ABCG2: variants seen among roughly 807,000 people sequenced by gnomAD.
ABCG2 encodes the protein ATP binding cassette subfamily G member 2 (JR blood group).
ABCG2 carries 80 observed loss-of-function variants against 73.5 expected under a neutral mutation model. The ratio of observed to expected loss-of-function variants is 1.09; its 90% CI spans 0.91 to 1.31. The LOEUF is 1.31. Among genes scored for constraint, ABCG2 ranks in the 50% most tolerant of loss-of-function variants. The pLI is 0.00. For missense variants in ABCG2, 796 were observed against 786.2 expected (o/e 1.01, Z -0.15); for synonymous variants, 269 against 282.4 (o/e 0.95, Z 0.48).
chr4:88,096,298 T>C (rs542032330), intron 13 of ABCG2, among the ~76,000 whole-genome samples: 1 of 152,360 alleles, frequency 6.6e-6, no homozygotes, highest in Admixed American at 6.5e-5. Flanking sequence ...AGCATACTGG[T>C]ATATGCATAA....
In ABCG2 at chr4:88,132,632, C is replaced by G; in HGVS notation, c.207G>C (p.Gly69=). Residue 69 remains glycine, a synonymous_variant, in exon 3 of 16, where the codon GGG becomes GGC. Transcript: ENST00000237612. The part of the protein sequence containing the change: ...VEKEILSNIN[G]IMKPGLNAIL... Reference sequence around the variant, plus strand: ...TGGCGTTGAGACCAGGTTTCATGATCCCACTGTAAACACAAAAACAGACTG... The same window carrying G: ...TGGCGTTGAGACCAGGTTTCATGATGCCACTGTAAACACAAAAACAGACTG... 2 of 1,614,116 alleles carry G rather than the reference C, an allele frequency of 1.2e-6. No homozygotes were observed. The highest frequency in any genetic ancestry group is 1.7e-6 in the Non-Finnish European group (2 of 1,179,994).
intron 9 of ABCG2, among the ~76,000 whole-genome samples, chr4:88,110,036 A>G (rs1723028010): frequency 6.6e-6 from 1 of 152,058 alleles, no homozygotes; most frequent in Non-Finnish European, 1.5e-5. Flanking sequence ...TGCAGCCTCA[A>G]ACTTCTGGTC....
At chr4:88,168,516 G>A (rs1354109287) in intron 1 of ABCG2, among the ~76,000 whole-genome samples, 7 of 149,912 alleles carry the variant, frequency 4.7e-5, no homozygotes, top group Non-Finnish European at 4.4e-5. Context: ...TGGTTATAAA[G>A]TTTATTTGGT....
Position 88,099,427 on chromosome 4 carries a change from G to C in ABCG2, c.1389C>G (p.Tyr463Ter), listed in dbSNP as rs759166018. 8.7e-6 allele frequency: 14 copies of C among 1,607,618 alleles called. No homozygotes were observed. Among genetic ancestry groups the C allele is most frequent in the Non-Finnish European group, 1.2e-5 (14 of 1,177,914 alleles). Reference sequence around the variant, plus strand: ...CAAGGAAATAAGATGACACTCTGTAGTATCCGCTGATGTATTCATGTCTAT... The same window carrying C: ...CAAGGAAATAAGATGACACTCTGTACTATCCGCTGATGTATTCATGTCTAT... ...KLFIHEYISGYYRVSSYFLGK... is the reference protein window; with the variant it reads ...KLFIHEYISG The change falls in exon 12 of 16, where the codon TAC (tyrosine) becomes TAG (stop). Residue 463 changes from tyrosine (Y) to a stop codon, truncating the protein, a stop_gained. Coordinates refer to ENST00000237612, the MANE Select transcript of ABCG2 (RefSeq NM_004827.3). LOFTEE classifies it high-confidence loss of function.
At chr4:88,214,776 T>C (rs1309720103) in intron 1 of ABCG2, among the ~76,000 whole-genome samples, 10 of 152,112 alleles carry the variant, frequency 6.6e-5, no homozygotes, top group Admixed American at 6.5e-4. Context: ...CACTCAAATC[T>C]GTTTTTGTTT....
intron 1 of ABCG2, among the ~76,000 whole-genome samples, chr4:88,222,312 A>G (rs1408768758): frequency 6.6e-6 from 1 of 152,220 alleles, no homozygotes; most frequent in Non-Finnish European, 1.5e-5. Context: ...GCCTTCATGG[A>G]GAACCTCTGC....
chr4:88,177,097 G>T (rs942165292), intron 1 of ABCG2, among the ~76,000 whole-genome samples: 1 of 152,212 alleles, frequency 6.6e-6, no homozygotes, highest in Non-Finnish European at 1.5e-5. Flanking sequence ...GAATGGCCGG[G>T]CGCAGTGGCT....
intron 1 of ABCG2, among the ~76,000 whole-genome samples, chr4:88,181,398 C>CAAAAAAAAAAAAAAAAAAAAAAAAA (rs57417105): frequency 2.8e-4 from 27 of 96,876 alleles, no homozygotes; most frequent in African/African-American, 4.9e-4. Context: ...GACTCCATCT[C>CAAAAAAAAAAAAAAAAAAAAAAAAA]AAAAAAAAAA....
chr4:88,226,483 G>A (rs1281758813), intron 1 of ABCG2, among the ~76,000 whole-genome samples: 24 of 152,146 alleles, frequency 1.6e-4, no homozygotes, highest in Non-Finnish European at 4.4e-5. Context: ...TATAATTATT[G>A]AGCAAGACTT....
intron 1 of ABCG2, among the ~76,000 whole-genome samples, chr4:88,153,060 G>T (rs538377544): frequency 5.9e-5 from 9 of 152,234 alleles, no homozygotes; most frequent in African/African-American, 9.6e-5. Context: ...AGAATTGGGA[G>T]GACCCAGGAC....
rs2110162570 is a variant in ABCG2 at position 88,090,652 on chromosome 4, A to T, written c.*1582T>A. The stretch of plus-strand genomic sequence containing the variant: ...CAAGATGACCAGTGTCAGGGCGTCT[A>T]TACACCATGATGCCCCAGCTCAGTT... On this transcript the variant is annotated 3_prime_UTR_variant, in exon 16 of 16. Transcript: ENST00000237612. The T allele has an allele frequency of 6.6e-6, 1 of 152,350 alleles. No homozygotes were observed. Among genetic ancestry groups the T allele is most frequent in the South Asian group, 2.1e-4 (1 of 4,830 alleles). 9.4% of individuals were successfully genotyped at this position (152,350 alleles called of 1,614,324 possible).
At chr4:88,180,864 C>T (rs1014550472) in intron 1 of ABCG2, among the ~76,000 whole-genome samples, 3 of 151,990 alleles carry the variant, frequency 2.0e-5, no homozygotes, top group Admixed American at 1.3e-4. Flanking sequence ...CAGAAAACCA[C>T]GGAATATTAT....
At chr4:88,159,538 T>C (rs45466800), upstream of ABCG2, among the ~76,000 whole-genome samples, 11,248 of 151,072 alleles carry the variant, frequency 0.074, 511 homozygotes, top group Middle Eastern at 0.11. Flanking sequence ...TGATTGCGCA[T>C]GTTCAGGAAA....
intron 10 of ABCG2, among the ~76,000 whole-genome samples, chr4:88,104,780 T>A (rs901353986): frequency 1.3e-5 from 2 of 152,170 alleles, no homozygotes; most frequent in Non-Finnish European, 2.9e-5. Context: ...ATTGTGAGAT[T>A]CTGTTTCAAA....
chr4:88,105,159 C>T (rs1722692123), intron 10 of ABCG2, among the ~76,000 whole-genome samples: 1 of 152,208 alleles, frequency 6.6e-6, no homozygotes, highest in Non-Finnish European at 1.5e-5. Flanking sequence ...TGTTTAATAA[C>T]ACTCTCATCG....
intron 1 of ABCG2, among the ~76,000 whole-genome samples, chr4:88,192,444 C>T (rs918821309): frequency 6.6e-6 from 1 of 151,980 alleles, no homozygotes; most frequent in Non-Finnish European, 1.5e-5. Context: ...GATGGAGTCT[C>T]GCTCCATCGC....
upstream of ABCG2, among the ~76,000 whole-genome samples, chr4:88,160,492 T>A (rs568178454): frequency 1.3e-5 from 2 of 152,174 alleles, no homozygotes; most frequent in African/African-American, 2.4e-5. Context: ...AGCACATTTT[T>A]AAAAATGGAT....
chr4:88,157,560 T>C (rs1444954458), intron 1 of ABCG2, among the ~76,000 whole-genome samples: 1 of 152,164 alleles, frequency 6.6e-6, no homozygotes, highest in Non-Finnish European at 1.5e-5. Context: ...ATTTCACAAT[T>C]AAAAGTTATT....
chr4:88,133,823 C>T (rs1303186296), intron 2 of ABCG2, among the ~76,000 whole-genome samples: 1 of 152,092 alleles, frequency 6.6e-6, no homozygotes, highest in African/African-American at 2.4e-5. Flanking sequence ...CATGGCAAAA[C>T]CCCGTCTCTA....
Sources: allele counts gnomAD v4.1 joint callset (sites outside exome capture counted in the v4.1 genomes callset), GRCh38; gene constraint gnomAD v4.1.1; transcripts MANE v1.5; gene names NCBI Gene and HGNC (gene_info 2026-07-23, HGNC 2026-07-21).